The following ARHGEF1 variants were observed in gnomAD, a reference collection of about 807,000 sequenced individuals.
ARHGEF1 encodes the protein Rho guanine nucleotide exchange factor 1.
In ARHGEF1, 40 loss-of-function variants were observed where a neutral mutation model predicts 119.7. That is an observed-to-expected ratio of 0.33 (90% confidence interval 0.26 to 0.44). The LOEUF (loss-of-function observed/expected upper bound fraction) is 0.44. Among genes scored for constraint, ARHGEF1 ranks in the 20% least tolerant of loss-of-function variants. The pLI is 1.00. For missense variants in ARHGEF1, 976 were observed against 1,268.3 expected (o/e 0.77, Z 3.50); for synonymous variants, 494 against 521.0 (o/e 0.95, Z 0.71).
At chr19:41,926,690 G>T (rs118019496) in intron 1 of ARHGEF1, among the ~76,000 whole-genome samples, 1 of 152,070 alleles carries the variant, frequency 6.6e-6, no homozygotes, top group South Asian at 2.1e-4. Flanking sequence ...TGCGGAGCGC[G>T]TCTGGGCCGC....
chr19:41,885,051 C>G (rs920265131), intron 1 of ARHGEF1, among the ~76,000 whole-genome samples: 1 of 151,944 alleles, frequency 6.6e-6, no homozygotes, highest in African/African-American at 2.4e-5. Context: ...ACCCATGTGG[C>G]CCCCCAACCC....
chr19:41,901,267 A>G (rs2074600844), intron 14 of ARHGEF1, among the ~76,000 whole-genome samples: 1 of 151,728 alleles, frequency 6.6e-6, no homozygotes, highest in African/African-American at 2.4e-5. Flanking sequence ...CTCCTGCCTC[A>G]GCCTCCCGAG....
upstream of ARHGEF1, among the ~76,000 whole-genome samples, chr19:41,921,058 AGGGAGCGTCCCCG>A (rs1274149824): frequency 6.6e-6 from 1 of 152,002 alleles, no homozygotes; most frequent in Non-Finnish European, 1.5e-5. The surrounding 1 kb of genome is among the most constrained non-coding windows in gnomAD (Gnocchi z 4.4). Flanking sequence ...AGGGGTGGCG[AGGGAGCGTCCCCG>A]GGGAGGTGGG....
rs1202699608 is a variant in ARHGEF1 at position 41,903,941 on chromosome 19, G to A, written c.1918-94G>A. On this transcript the variant is annotated intron_variant, in intron 20 of 28. Transcript: ENST00000354532. This position sits in a 1 kb window ranked among gnomAD's most constrained non-coding sequence, Gnocchi z 4.2. Reference sequence around the variant, plus strand: ...GCCAATCCCATGATCCCCAGCCTGTGGTCATCCCCGGCCACTGCCCTGCCC... The same window carrying A: ...GCCAATCCCATGATCCCCAGCCTGTAGTCATCCCCGGCCACTGCCCTGCCC... The A allele has an allele frequency of 2.1e-6, 3 of 1,403,354 alleles. No individual in the cohort carries two copies. The highest frequency in any genetic ancestry group is 2.8e-5 in the African/African-American group (2 of 70,572). The allele number at this position is 1,403,354 out of a possible 1,614,324, so 86.9% of individuals were successfully genotyped here. A position where few individuals can be genotyped will look rare whatever the true frequency, so the allele number is the denominator to read the frequency against.
chr19:41,905,582 G>T lies in ARHGEF1; in HGVS notation c.2337-178G>T, dbSNP rs1555849969. The T allele has an allele frequency of 6.0e-6, 4 of 664,414 alleles. No individual in the cohort carries two copies. The highest frequency in any genetic ancestry group is 1.0e-5 in the Non-Finnish European group (4 of 392,612). The allele number at this position is 664,414 out of a possible 1,614,324, so 41.2% of individuals were successfully genotyped here. ...CCCACCACTGCCCCGTCTGTCTCCT[G>T]TCTCCAGGCCTCTGTGTCTTCCATT... On this transcript the variant is annotated intron_variant, in intron 24 of 28. Transcript: ENST00000354532. This position sits in a 1 kb window ranked among gnomAD's most constrained non-coding sequence, Gnocchi z 6.4.
Position 41,906,328 on chromosome 19 carries a change from C to CT in ARHGEF1, c.2492-129_2492-128insT. On this transcript the variant is annotated intron_variant, in intron 26 of 28. Coordinates refer to ENST00000354532, the MANE Select transcript of ARHGEF1 (RefSeq NM_004706.4). This position sits in a 1 kb window ranked among gnomAD's most constrained non-coding sequence, Gnocchi z 4.5. ...CACCTCCCTTTGGATCCCCGAACCC[C>CT]ATCTGCTCAGCCTTGCCTGGCACCC... The CT allele has an allele frequency of 1.1e-6, 1 of 950,662 alleles. No individual in the cohort carries two copies. The highest frequency in any genetic ancestry group is 2.9e-5 in the Admixed American group (1 of 34,002). 58.9% of individuals were successfully genotyped at this position (950,662 alleles called of 1,614,324 possible). A position where few individuals can be genotyped will look rare whatever the true frequency, so the allele number is the denominator to read the frequency against.
At chr19:41,911,298 C>T (rs1194001647), downstream of ARHGEF1, among the ~76,000 whole-genome samples, 1 of 152,202 alleles carries the variant, frequency 6.6e-6, no homozygotes, top group Admixed American at 6.5e-5. Flanking sequence ...TATGCCACAT[C>T]CTCTGTCCCC....
At chr19:41,897,501 C>A (rs1463253184) in intron 13 of ARHGEF1, 4 of 307,892 alleles carry the variant, frequency 1.3e-5, no homozygotes, top group South Asian at 2.8e-5. Flanking sequence ...CATAACACCC[C>A]CTCTGTTGCC....
intron 11 of ARHGEF1, 122 bp from the exon 12 acceptor site, chr19:41,895,227 G>C (rs1057040498): frequency 4.5e-6 from 6 of 1,319,738 alleles, no homozygotes; most frequent in Non-Finnish European, 6.2e-6. Context: ...GGGTCTGAGG[G>C]AGGAAGGGGC....
chr19:41,918,139 C>T (rs2074813255), upstream of ARHGEF1, among the ~76,000 whole-genome samples: 1 of 151,976 alleles, frequency 6.6e-6, no homozygotes, highest in South Asian at 2.1e-4. Context: ...ACATCAAATG[C>T]TCTGGCCTGA....
Position 41,892,683 on chromosome 19 carries a change from G to A in ARHGEF1, c.448G>A (p.Val150Met), listed in dbSNP as rs782432654. The change falls in exon 7 of 29, where the codon GTG (valine) becomes ATG (methionine). Residue 150 changes from valine to methionine, a missense_variant. Transcript: ENST00000354532. This position sits in a 1 kb window ranked among gnomAD's most constrained non-coding sequence, Gnocchi z 6.3. ...QEVVQSQQVA[V>M]GRQLEDFRSK... ...GGTGGTGCAAAGCCAGCAGGTAGCC[G>A]TGGGCCGGCAGCTGGAGGACTTCCG... is the stretch of plus-strand genomic sequence containing the variant. 2.4e-5 allele frequency: 39 copies of A among 1,613,686 alleles called. No homozygotes were observed. The highest frequency in any genetic ancestry group is 8.9e-5 in the East Asian group (4 of 44,876).
intron 1 of ARHGEF1, among the ~76,000 whole-genome samples, chr19:41,924,473 T>C (rs1386957013): frequency 6.6e-6 from 1 of 152,020 alleles, no homozygotes. Flanking sequence ...GTCACAGAGA[T>C]GGATGGTGGT....
chr19:41,926,193 T>A (rs1275947726), intron 1 of ARHGEF1, among the ~76,000 whole-genome samples: 1 of 151,620 alleles, frequency 6.6e-6, no homozygotes, highest in Non-Finnish European at 1.5e-5. Flanking sequence ...AGGTATTACC[T>A]GGAGGGGCAG....
intron 12 of ARHGEF1, 109 bp from the exon 13 acceptor site, chr19:41,896,268 T>C (rs1352173341): frequency 1.9e-6 from 1 of 515,690 alleles, no homozygotes; most frequent in Non-Finnish European, 3.4e-6. Context: ...AGCCATGTGG[T>C]GTCTGCCAGG....
At chr19:41,898,411 G>C in intron 13 of ARHGEF1, 31 bp from the exon 14 acceptor site, 1 of 1,548,914 alleles carries the variant, frequency 6.5e-7, no homozygotes, top group Non-Finnish European at 8.7e-7. Context: ...GATGGCCCAA[G>C]CTGGGGCCCT....
downstream of ARHGEF1, chr19:41,907,937 C>T (rs1013128640): frequency 1.2e-4 from 23 of 191,310 alleles, no homozygotes; most frequent in African/African-American, 7.9e-4. Context: ...CAGGGGTGGG[C>T]GGGCGGGGCA....
At chr19:41,896,536 G>T in intron 13 of ARHGEF1, 54 bp downstream of exon 13, 1 of 1,400,174 alleles carries the variant, frequency 7.1e-7, no homozygotes. Context: ...GCGCTGGTGG[G>T]TGGGTGCAGG....
chr19:41,910,755 G>A (rs1485665796), downstream of ARHGEF1, among the ~76,000 whole-genome samples: 1 of 152,130 alleles, frequency 6.6e-6, no homozygotes, highest in African/African-American at 2.4e-5. The surrounding 1 kb of genome is among the most constrained non-coding windows in gnomAD (Gnocchi z 4.4). Context: ...GCCCACGGAA[G>A]ACATGTCACA....
At chr19:41,923,311 A>C (rs1426285264) in intron 1 of ARHGEF1, 1 of 385,630 alleles carries the variant, frequency 2.6e-6, no homozygotes, top group Non-Finnish European at 5.2e-6. Flanking sequence ...AGGAGGAAAG[A>C]GACAAGACAA....
Sources: allele counts gnomAD v4.1 joint callset (sites outside exome capture counted in the v4.1 genomes callset), GRCh38; gene constraint gnomAD v4.1.1; non-coding constraint Gnocchi (gnomAD v3.1); transcripts MANE v1.5; gene names NCBI Gene and HGNC (gene_info 2026-07-23, HGNC 2026-07-21).